The following HNRNPD variants were observed in gnomAD, a reference collection of about 807,000 sequenced individuals.
HNRNPD encodes heterogeneous nuclear ribonucleoprotein D, also known as heterogeneous nuclear ribonucleoprotein D0.
In HNRNPD, 3 loss-of-function variants were observed where a neutral mutation model predicts 47.9. That is an observed-to-expected ratio of 0.06 (90% CI 0.03 to 0.16). HNRNPD has a LOEUF of 0.16. HNRNPD is among the 10% of genes least tolerant of loss of function. The pLI is 1.00. For synonymous variants in HNRNPD, 171 were observed against 165.1 expected (o/e 1.04, Z -0.28); for missense variants, 287 against 454.2 (o/e 0.63, Z 3.35).
intron 4 of HNRNPD, 152 bp downstream of exon 4, chr4:82,358,507 G>A (rs902962272): frequency 3.0e-6 from 2 of 666,740 alleles, no homozygotes; most frequent in Non-Finnish European, 5.1e-6. Flanking sequence ...TCAAAGACCT[G>A]CTAATGAAGT....
At chr4:82,360,903 T>A (rs974576944) in intron 2 of HNRNPD, among the ~76,000 whole-genome samples, 1 of 152,200 alleles carries the variant, frequency 6.6e-6, no homozygotes, top group Non-Finnish European at 1.5e-5. Context: ...TTACTTCTAG[T>A]GACAAAGCAA....
rs115161907 is a variant in HNRNPD, at chr4:82,358,450, C to A, written c.621+209G>T. ...CTTTGTATACTCTACCCCAGCAATA[C>A]TCTGCATAGAGTAGGTGCTCAATGA... On this transcript the variant is annotated intron_variant, in intron 4 of 8. Coordinates refer to ENST00000313899, the MANE Select transcript of HNRNPD (RefSeq NM_031370.3). The A allele has an allele frequency of 7.3e-3, 3,515 of 482,098 alleles. 20 individuals carry two copies. Among genetic ancestry groups the A allele is most frequent in the Non-Finnish European group, 0.011 (2,876 of 273,212 alleles). 29.9% of individuals were successfully genotyped at this position (482,098 alleles called of 1,614,324 possible). A position where few individuals can be genotyped will look rare whatever the true frequency, so the allele number is the denominator to read the frequency against.
intron 2 of HNRNPD, among the ~76,000 whole-genome samples, chr4:82,362,642 G>A (rs1171195296): frequency 1.3e-5 from 2 of 152,022 alleles, no homozygotes; most frequent in Non-Finnish European, 2.9e-5. Flanking sequence ...TCACTCTGTC[G>A]CCCAAGCTGG....
At position 82,356,605 on chromosome 4, in the gene HNRNPD, C is replaced by A. The variant is rs1339977370; in HGVS notation, c.932G>T (p.Gly311Val). The A allele has an allele frequency of 2.5e-6, 4 of 1,611,716 alleles. No homozygotes were observed. The East Asian group carries it at 6.7e-5, about 27-fold the overall frequency. The change falls in exon 7 of 9, where the codon GGT becomes GTT. Residue 311 changes from glycine to valine, a missense_variant. Transcript: ENST00000313899. ...GYGNYGYNSQ[G>V]YGGYGGYDYT... ...GTCATATCCTCCATAACCACCGTAA[C>A]CTTGGCTGTTATATCCATAGTTGCC...
chr4:82,370,376 A>T (rs1002550554), intron 2 of HNRNPD, among the ~76,000 whole-genome samples: 1 of 152,242 alleles, frequency 6.6e-6, no homozygotes, highest in Non-Finnish European at 1.5e-5. Flanking sequence ...GGAAACAATT[A>T]CATGAGACTC....
Position 82,353,320 on chromosome 4 carries a change from A to G in HNRNPD, c.*865T>C, listed in dbSNP as rs371421533. On this transcript the variant is annotated 3_prime_UTR_variant, in exon 9 of 9. Coordinates refer to ENST00000313899, the MANE Select transcript of HNRNPD (RefSeq NM_031370.3). ...TAAAATCATTCAAACAAATAAGCACACACACATAAACACGGTATATATTTC... is the reference window on the plus strand; with the variant it reads ...TAAAATCATTCAAACAAATAAGCACGCACACATAAACACGGTATATATTTC... The G allele has an allele frequency of 2.6e-5, 4 of 152,172 alleles. No homozygotes were observed. The highest frequency in any genetic ancestry group is 9.6e-5 in the African/African-American group (4 of 41,454). 9.4% of individuals were successfully genotyped at this position (152,172 alleles called of 1,614,324 possible).
intron 2 of HNRNPD, among the ~76,000 whole-genome samples, chr4:82,362,483 T>C (rs1332394712): frequency 2.7e-5 from 4 of 148,058 alleles, no homozygotes; most frequent in Non-Finnish European, 6.0e-5. Context: ...GCTTAGGCTT[T>C]AAAAAAAAAA....
intron 2 of HNRNPD, among the ~76,000 whole-genome samples, chr4:82,363,408 T>G (rs1025108370): frequency 6.6e-6 from 1 of 152,218 alleles, no homozygotes; most frequent in Non-Finnish European, 1.5e-5. Context: ...ATCTTGCTTT[T>G]AAAGCACATG....
At chr4:82,358,958 A>G (rs1032391560) in intron 3 of HNRNPD, 138 bp from the exon 4 acceptor site, 3 of 653,998 alleles carry the variant, frequency 4.6e-6, no homozygotes. Flanking sequence ...CTGTCAAGTC[A>G]TGGTGGTGAT....
intron 7 of HNRNPD, 47 bp from the exon 8 acceptor site, chr4:82,355,448 T>C (rs779685767): frequency 3.7e-6 from 5 of 1,337,520 alleles, no homozygotes; most frequent in Non-Finnish European, 5.4e-6. Context: ...GGTTACATAC[T>C]AATAATCAGA....
intron 3 of HNRNPD, 130 bp from the exon 4 acceptor site, chr4:82,358,950 G>C: frequency 1.5e-6 from 1 of 685,740 alleles, no homozygotes; most frequent in South Asian, 2.0e-5. Context: ...AGATTAAACT[G>C]TCAAGTCATG....
intron 2 of HNRNPD, among the ~76,000 whole-genome samples, chr4:82,370,188 A>G (rs1719967048): frequency 6.6e-6 from 1 of 152,178 alleles, no homozygotes; most frequent in Admixed American, 6.5e-5. Flanking sequence ...AGTAAATGAC[A>G]GTTGGTTACT....
rs567011016 is a variant in HNRNPD, at chr4:82,359,420, CAT to C, written c.459+49_459+50del. On this transcript the variant is annotated intron_variant, in intron 3 of 8. Transcript: ENST00000313899. ...GGCAAACTCATTGTATCAAACTATC[CAT>C]ATGTTAATATTTTATATTATTAACT... is the stretch of plus-strand genomic sequence containing the variant. The C allele has an allele frequency of 1.7e-3, 2,178 of 1,276,496 alleles. 7 individuals are homozygous for C. Among genetic ancestry groups the C allele is most frequent in the Non-Finnish European group, 1.4e-3 (1,310 of 950,288 alleles). 79.1% of individuals were successfully genotyped at this position (1,276,496 alleles called of 1,614,324 possible). A position where few individuals can be genotyped will look rare whatever the true frequency, so the allele number is the denominator to read the frequency against.
In HNRNPD at chr4:82,373,785, G is replaced by T. The variant is rs540685491; in HGVS notation, c.-107C>A. The stretch of plus-strand genomic sequence containing the variant: ...CGCTGCCGCGCGCCCGCTCTACCTC[G>T]CGAAGCACACAAGACAGGGAAGGCG... On this transcript the variant is annotated 5_prime_UTR_variant, in exon 1 of 9. Coordinates refer to ENST00000313899, the MANE Select transcript of HNRNPD (RefSeq NM_031370.3). 667 of 1,524,086 alleles carry T rather than the reference G, an allele frequency of 4.4e-4. No individual in the cohort carries two copies. The highest frequency in any genetic ancestry group is 9.3e-4 in the Middle Eastern group (4 of 4,316). The allele number at this position is 1,524,086 out of a possible 1,614,324, so 94.4% of individuals were successfully genotyped here. A position where few individuals can be genotyped will look rare whatever the true frequency, so the allele number is the denominator to read the frequency against.
At position 82,373,930 on chromosome 4, in the gene HNRNPD, C is replaced by T; in HGVS notation, c.-252G>A. 1 of 870,934 alleles carries T rather than the reference C, an allele frequency of 1.1e-6. No individual in the cohort carries two copies. Among genetic ancestry groups the T allele is most frequent in the South Asian group, 2.0e-5 (1 of 49,586 alleles). 54.0% of individuals were successfully genotyped at this position (870,934 alleles called of 1,614,324 possible). A position where few individuals can be genotyped will look rare whatever the true frequency, so the allele number is the denominator to read the frequency against. ...ACTAAAAAAGAATAAGCACCAGCGG[C>T]GGCCGCTCTCGCCTCCTCCTCGCTT... On this transcript the variant is annotated 5_prime_UTR_variant, in exon 1 of 9. Transcript: ENST00000313899.
rs1366459942 is a variant in HNRNPD at position 82,373,755 on chromosome 4, C to A, written c.-77G>T. 2 of 1,527,262 alleles carry A rather than the reference C, an allele frequency of 1.3e-6. No individual in the cohort carries two copies. The highest frequency in any genetic ancestry group is 1.7e-6 in the Non-Finnish European group (2 of 1,143,934). The allele number at this position is 1,527,262 out of a possible 1,614,324, so 94.6% of individuals were successfully genotyped here. A position where few individuals can be genotyped will look rare whatever the true frequency, so the allele number is the denominator to read the frequency against. On this transcript the variant is annotated 5_prime_UTR_variant, in exon 1 of 9. Transcript: ENST00000313899. ...AACCGAAACTAGCAGCAAAGTAATC[C>A]CCGCCGCTGCCGCGCGCCCGCTCTA...
chr4:82,365,768 C>A (rs1719720014), intron 2 of HNRNPD, among the ~76,000 whole-genome samples: 1 of 140,988 alleles, frequency 7.1e-6, no homozygotes, highest in Non-Finnish European at 1.5e-5. Flanking sequence ...CGAGGCCCAG[C>A]TAATTTTTTT....
In HNRNPD at chr4:82,355,327, G is replaced by C; in HGVS notation, c.*7C>G. 1 of 1,608,322 alleles carries C rather than the reference G, an allele frequency of 6.2e-7. No individual in the cohort carries two copies. The stretch of plus-strand genomic sequence containing the variant: ...ACCTGTTGGGGATAAGTTGCAAATG[G>C]AATAATTTAGTATGGTTTGTAGCTA... On this transcript the variant is annotated 3_prime_UTR_variant, in exon 8 of 9. Transcript: ENST00000313899.
intron 1 of HNRNPD, among the ~76,000 whole-genome samples, chr4:82,372,031 C>T (rs1720070217): frequency 6.6e-6 from 1 of 152,122 alleles, no homozygotes; most frequent in Non-Finnish European, 1.5e-5. Flanking sequence ...TCTCCCCTCC[C>T]AACTTTCCCT....
Sources: gnomAD v4.1 joint callset for allele counts (sites outside exome capture counted in the v4.1 genomes callset) on GRCh38, gnomAD v4.1.1 for gene constraint, MANE v1.5 for transcripts, NCBI Gene and HGNC (gene_info 2026-07-23, HGNC 2026-07-21) for gene names.